ENO1: variants seen among roughly 807,000 people sequenced by gnomAD.
ENO1 encodes enolase 1, also known as alpha-enolase.
In ENO1, 33 loss-of-function variants were observed where a neutral mutation model predicts 46.3. That is an observed-to-expected ratio of 0.71 (90% CI 0.54 to 0.95). The LOEUF (loss-of-function observed/expected upper bound fraction) is 0.95. Among genes scored for constraint, ENO1 ranks in the 40% least tolerant of loss-of-function variants. The pLI, the probability that ENO1 is intolerant of heterozygous loss-of-function variation, is 0.00. For synonymous variants in ENO1, 220 were observed against 216.0 expected (o/e 1.02, Z -0.16); for missense variants, 488 against 553.3 (o/e 0.88, Z 1.18).
chr1:8,861,616 T>A (rs974668405), intron 11 of ENO1, among the ~76,000 whole-genome samples, 187 bp from the exon 12 acceptor site: 1 of 152,062 alleles, frequency 6.6e-6, no homozygotes, highest in African/African-American at 2.4e-5. Flanking sequence ...AGAAGCCAGA[T>A]ATAGAAAAGT....
At chr1:8,869,314 T>C (rs1018539335) in intron 4 of ENO1, among the ~76,000 whole-genome samples, 2 of 151,510 alleles carry the variant, frequency 1.3e-5, no homozygotes, top group African/African-American at 4.9e-5. Flanking sequence ...TGTGTGGAGG[T>C]GTCCGGGAGA....
chr1:8,862,746 G>A, intron 11 of ENO1, 141 bp downstream of exon 11: 1 of 932,762 alleles, frequency 1.1e-6, no homozygotes. Flanking sequence ...AGCCTGCTCA[G>A]GGCCTGGCTG....
chr1:8,866,896 G>GA (rs1351484608), intron 6 of ENO1, among the ~76,000 whole-genome samples: 1 of 152,198 alleles, frequency 6.6e-6, no homozygotes, highest in Non-Finnish European at 1.5e-5. Context: ...GCCTAGCAAG[G>GA]AAAGTACTGC....
At chr1:8,876,790 C>T (rs1344517716) in intron 1 of ENO1, among the ~76,000 whole-genome samples, 1 of 149,406 alleles carries the variant, frequency 6.7e-6, no homozygotes, top group African/African-American at 2.5e-5. Flanking sequence ...AGAGAGACTC[C>T]GTCTCAGAAA....
In ENO1 at chr1:8,861,181, T is replaced by C; in HGVS notation, c.*179A>G. ...GCAAAGCTAGAGCTGCCAACAGGGCTCCAGGGAGCTTGGCTTCTGTAGAAG... is the reference window on the plus strand; with the variant it reads ...GCAAAGCTAGAGCTGCCAACAGGGCCCCAGGGAGCTTGGCTTCTGTAGAAG... On this transcript the variant is annotated 3_prime_UTR_variant, in exon 12 of 12. Coordinates refer to ENST00000234590, the MANE Select transcript of ENO1 (RefSeq NM_001428.5). The C allele has an allele frequency of 1.7e-6, 1 of 597,370 alleles. No homozygotes were observed. Among genetic ancestry groups the C allele is most frequent in the South Asian group, 2.2e-5 (1 of 45,758 alleles). The allele number at this position is 597,370 out of a possible 1,614,324, so 37.0% of individuals were successfully genotyped here. A position where few individuals can be genotyped will look rare whatever the true frequency, so the allele number is the denominator to read the frequency against.
chr1:8,871,127 C>A (rs1253711065), intron 3 of ENO1: 16 of 1,172,600 alleles, frequency 1.4e-5, no homozygotes, highest in Non-Finnish European at 1.7e-5. Flanking sequence ...GTAACATGTT[C>A]GTGTGTGTAG....
intron 11 of ENO1, among the ~76,000 whole-genome samples, chr1:8,861,822 G>A (rs1642411147): frequency 1.4e-5 from 2 of 138,256 alleles, no homozygotes; most frequent in Admixed American, 8.0e-5. Flanking sequence ...GGCATGGGGA[G>A]AAAAGGAGAG....
At chr1:8,870,545 A>G (rs1331978541) in intron 3 of ENO1, 35 bp from the exon 4 acceptor site, 1 of 1,613,776 alleles carries the variant, frequency 6.2e-7, no homozygotes, top group Non-Finnish European at 8.5e-7. Flanking sequence ...TACTGACATT[A>G]ACTTTAAAAC....
intron 3 of ENO1, 133 bp from the exon 4 acceptor site, chr1:8,870,643 C>T: frequency 6.6e-7 from 1 of 1,511,014 alleles, no homozygotes; most frequent in South Asian, 1.2e-5. Context: ...TCTTCCCCCT[C>T]TCCCCTTTCC....
At chr1:8,875,462 G>A (rs947787093) in intron 1 of ENO1, among the ~76,000 whole-genome samples, 1 of 152,158 alleles carries the variant, frequency 6.6e-6, no homozygotes, top group Non-Finnish European at 1.5e-5. Context: ...GGCTGGCATG[G>A]GAATGGAAAG....
intron 2 of ENO1, among the ~76,000 whole-genome samples, chr1:8,874,577 C>CAAAAAAAAAAAA (rs140269736): frequency 1.4e-3 from 71 of 51,524 alleles, no homozygotes; most frequent in African/African-American, 1.5e-3. Context: ...GACTCCATCT[C>CAAAAAAAAAAAA]AAAAAAAAAA....
At chr1:8,871,682 G>C (rs1569915365) in intron 3 of ENO1, 2 of 1,360,988 alleles carry the variant, frequency 1.5e-6, no homozygotes, top group East Asian at 2.7e-5. Context: ...TCTCGACCCA[G>C]AGCATGCAGG....
chr1:8,871,734 A>G (rs535925398), intron 3 of ENO1, 157 bp downstream of exon 3: 3 of 1,258,712 alleles, frequency 2.4e-6, no homozygotes, highest in East Asian at 4.9e-5. Context: ...TCCTGTCCAC[A>G]AGGTGGTGCA....
intron 2 of ENO1, chr1:8,873,633 G>A (rs1034517615): frequency 6.6e-6 from 1 of 152,164 alleles, no homozygotes; most frequent in Non-Finnish European, 1.5e-5. Flanking sequence ...CAGTGCTTGA[G>A]AGCCCACACA....
intron 2 of ENO1, among the ~76,000 whole-genome samples, chr1:8,874,164 C>T (rs182086223): frequency 1.3e-5 from 2 of 152,304 alleles, no homozygotes; most frequent in East Asian, 1.9e-4. Context: ...CATTTGGTCA[C>T]AGCAAGCTGT....
chr1:8,871,452 G>C lies in ENO1; in HGVS notation c.181+439C>G, dbSNP rs1314944905. Reference sequence around the variant, plus strand: ...AATCACACTAAATGACACACCTGCAGCTCACCATTCAGGGCAGGTCATTGG... The same window carrying C: ...AATCACACTAAATGACACACCTGCACCTCACCATTCAGGGCAGGTCATTGG... On this transcript the variant is annotated intron_variant, in intron 3 of 11. Coordinates refer to ENST00000234590, the MANE Select transcript of ENO1 (RefSeq NM_001428.5). 8.0e-6 allele frequency: 8 copies of C among 1,000,040 alleles called. No homozygotes were observed. The African/African-American group carries it at 1.2e-4, about 15-fold the overall frequency. 61.9% of individuals were successfully genotyped at this position (1,000,040 alleles called of 1,614,324 possible).
intron 1 of ENO1, among the ~76,000 whole-genome samples, chr1:8,875,295 T>C (rs553249523): frequency 1.3e-5 from 2 of 150,134 alleles, no homozygotes; most frequent in Admixed American, 6.6e-5. Flanking sequence ...GGTCTTGTTC[T>C]GTAAGAAAAA....
At chr1:8,870,671 T>C (rs1642612565) in intron 3 of ENO1, 161 bp from the exon 4 acceptor site, 1 of 1,479,962 alleles carries the variant, frequency 6.8e-7, no homozygotes, top group South Asian at 1.3e-5. Context: ...ATCGGAGGAC[T>C]TTCCGGCCCA....
Position 8,862,584 on chromosome 1 carries a change from G to A in ENO1, c.1235+303C>T, listed in dbSNP as rs188673174. Among the ~76,000 whole-genome samples, 278 of 152,344 alleles carry A rather than the reference G, an allele frequency of 1.8e-3. 2 individuals are homozygous for A. Among genetic ancestry groups the A allele is most frequent in the Non-Finnish European group, 3.0e-3 (204 of 68,034 alleles). On this transcript the variant is annotated intron_variant, in intron 11 of 11. Transcript: ENST00000234590. ...AACAGATCATATGAAGGAGCTCTCT[G>A]AAAGCTCTAAGAAAGTCATGCATCA...
Sources: gnomAD v4.1 joint callset for allele counts (sites outside exome capture counted in the v4.1 genomes callset) on GRCh38, gnomAD v4.1.1 for gene constraint, MANE v1.5 for transcripts, NCBI Gene and HGNC (gene_info 2026-07-23, HGNC 2026-07-21) for gene names.